Variants in PDIA4 observed in about 807,000 individuals in gnomAD.
PDIA4 encodes the protein protein disulfide isomerase family A member 4.
A neutral mutation model predicts 62.1 loss-of-function variants in PDIA4; 33 were observed. The ratio of observed to expected loss-of-function variants is 0.53; its 90% CI spans 0.40 to 0.71. PDIA4 has a LOEUF of 0.71. Ranked by LOEUF, PDIA4 falls within the 30% of genes least tolerant of loss-of-function variation. The pLI is 0.00. For missense variants in PDIA4, 804 were observed against 813.6 expected (o/e 0.99, Z 0.14); for synonymous variants, 341 against 324.1 (o/e 1.05, Z -0.56).
At chr7:149,012,091 T>A in intron 5 of PDIA4, 64 bp downstream of exon 5, 2 of 1,608,944 alleles carry the variant, frequency 1.2e-6, no homozygotes, top group South Asian at 2.2e-5. Flanking sequence ...GCACCTTCAA[T>A]GGCAGCTTCC....
intron 2 of PDIA4, among the ~76,000 whole-genome samples, chr7:149,020,754 A>G (rs1211199135): frequency 6.6e-6 from 1 of 152,174 alleles, no homozygotes; most frequent in African/African-American, 2.4e-5. Flanking sequence ...GGACTGAGAC[A>G]AGAAGACATC....
At chr7:149,005,423 C>A (rs1243094466) in intron 8 of PDIA4, 49 bp from the exon 9 acceptor site, 1 of 1,196,996 alleles carries the variant, frequency 8.4e-7, no homozygotes, top group Non-Finnish European at 1.2e-6. Flanking sequence ...AGAGCAAGTC[C>A]CAGCTCAGAC....
At chr7:149,025,085 A>AAAAATATATATATATATAT (rs1554446854) in intron 1 of PDIA4, among the ~76,000 whole-genome samples, 2 of 22,348 alleles carry the variant, frequency 8.9e-5, no homozygotes, top group African/African-American at 1.2e-4. Flanking sequence ...AAAAAAAAAA[A>AAAAATATATATATATATAT]ATATATATAT....
intron 1 of PDIA4, among the ~76,000 whole-genome samples, chr7:149,022,803 G>A (rs1428876608): frequency 6.6e-6 from 1 of 152,144 alleles, no homozygotes; most frequent in African/African-American, 2.4e-5. Flanking sequence ...TCTGTGCCGG[G>A]CAGGGAGAAG....
intron 6 of PDIA4, 33 bp downstream of exon 6, chr7:149,011,813 A>G: frequency 6.6e-7 from 1 of 1,504,840 alleles, no homozygotes; most frequent in Non-Finnish European, 8.9e-7. Context: ...CAAGGCACGC[A>G]CATTTTGTTC....
At position 149,003,751 on chromosome 7, in the gene PDIA4, G is replaced by T; in HGVS notation, c.*43C>A. ...CGTGGACGCCCCGACCATGGGCCAC[G>T]CAGGGCGTCTGCCTCCTCCCACCTT... On this transcript the variant is annotated 3_prime_UTR_variant, in exon 10 of 10. Coordinates refer to ENST00000652332, the MANE Select transcript of PDIA4 (RefSeq NM_004911.5). 1 of 1,419,368 alleles carries T rather than the reference G, an allele frequency of 7.0e-7. No individual in the cohort carries two copies. The highest frequency in any genetic ancestry group is 9.3e-7 in the Non-Finnish European group (1 of 1,077,118). The allele number at this position is 1,419,368 out of a possible 1,614,324, so 87.9% of individuals were successfully genotyped here.
intron 1 of PDIA4, among the ~76,000 whole-genome samples, chr7:149,022,596 C>T (rs890720987): frequency 6.6e-5 from 10 of 152,084 alleles, no homozygotes; most frequent in Non-Finnish European, 1.0e-4. Context: ...GGTAAATGAA[C>T]GCTGCTAGTT....
At chr7:149,022,872 C>T (rs777887609) in intron 1 of PDIA4, among the ~76,000 whole-genome samples, 4 of 152,180 alleles carry the variant, frequency 2.6e-5, no homozygotes, top group Non-Finnish European at 5.9e-5. Context: ...ACAAAAAAGC[C>T]AACAAGAAAG....
At chr7:149,006,421 C>T (rs1395419911) in intron 7 of PDIA4, 1 of 196,222 alleles carries the variant, frequency 5.1e-6, no homozygotes, top group Non-Finnish European at 1.0e-5. Flanking sequence ...CTTGTGCGGT[C>T]TTCACGCAGG....
chr7:149,014,941 C>T lies in PDIA4; in HGVS notation c.577G>A (p.Asp193Asn). ...AACTCCACCAGAATGATATCTGCAT[C>T]ATTCACAACTTCATCAAAGTTCTCT... ...TKENFDEVVN[D>N]ADIILVEFYA... Residue 193 changes from aspartate (D) to asparagine (N), a missense_variant, in exon 4 of 10, where the codon GAT becomes AAT. Physicochemically the swap from Asp to Asn is conservative, Grantham distance 23. Transcript: ENST00000652332. 6.2e-7 allele frequency: 1 copy of T among 1,614,182 alleles called. No homozygotes were observed. The highest frequency in any genetic ancestry group is 8.5e-7 in the Non-Finnish European group (1 of 1,179,988).
At chr7:149,020,162 T>C (rs1462968857) in intron 2 of PDIA4, among the ~76,000 whole-genome samples, 2 of 152,180 alleles carry the variant, frequency 1.3e-5, no homozygotes, top group African/African-American at 4.8e-5. Context: ...GGGTTCACCA[T>C]GTTGGCCAGG....
chr7:149,015,592 C>T (rs1199113098), intron 3 of PDIA4, among the ~76,000 whole-genome samples: 1 of 151,968 alleles, frequency 6.6e-6, no homozygotes, highest in Non-Finnish European at 1.5e-5. Context: ...AAAAAATGCC[C>T]ATCTGTGGCC....
intron 1 of PDIA4, among the ~76,000 whole-genome samples, chr7:149,025,573 T>C (rs1446123647): frequency 6.6e-6 from 1 of 152,218 alleles, no homozygotes; most frequent in Non-Finnish European, 1.5e-5. Context: ...CACGTTATAT[T>C]GTATCTTACA....
Position 149,005,128 on chromosome 7 carries a change from G to T in PDIA4, c.1522+13C>A. On this transcript the variant is annotated intron_variant, in intron 9 of 9. Coordinates refer to ENST00000652332, the MANE Select transcript of PDIA4 (RefSeq NM_004911.5). The stretch of plus-strand genomic sequence containing the variant: ...CAGCTGATGGGAGACCCCAGCCCCA[G>T]CCACGGGCTCACCTTTTTTGAAAGC... The T allele has an allele frequency of 6.3e-7, 1 of 1,599,082 alleles. No individual in the cohort carries two copies. The highest frequency in any genetic ancestry group is 8.6e-7 in the Non-Finnish European group (1 of 1,166,388).
intron 3 of PDIA4, among the ~76,000 whole-genome samples, chr7:149,015,940 C>A (rs1038372191): frequency 6.6e-6 from 1 of 152,358 alleles, no homozygotes. Context: ...AAGTCTCTTG[C>A]AGTCAAATGT....
In PDIA4 at chr7:149,005,217, A is replaced by C; in HGVS notation, c.1446T>G (p.Ser482Arg). The C allele has an allele frequency of 1.9e-6, 3 of 1,613,418 alleles. No homozygotes were observed. The highest frequency in any genetic ancestry group is 1.1e-5 in the South Asian group (1 of 91,030). Residue 482 changes from serine (S) to arginine (R), a missense_variant, in exon 9 of 10, where the codon AGT becomes AGG. Physicochemically the swap from Ser to Arg is moderately radical, Grantham distance 110. Transcript: ENST00000652332. ...CTGGCTCCATGGCGAACTTCTTCCC[A>C]CTCTCGTCCAGGATGGCGGCATTGA... The part of the protein sequence containing the change: ...EDVNAAILDE[S>R]GKKFAMEPEE...
Position 149,022,978 on chromosome 7 carries a change from C to T in PDIA4, c.89-1831G>A, listed in dbSNP as rs146962010. 2.1e-3 allele frequency among the ~76,000 whole-genome samples: 315 copies of T among 152,336 alleles called. 2 individuals carry two copies. Among genetic ancestry groups the T allele is most frequent in the African/African-American group, 7.3e-3 (303 of 41,574 alleles). On this transcript the variant is annotated intron_variant, in intron 1 of 9. Coordinates refer to ENST00000652332, the MANE Select transcript of PDIA4 (RefSeq NM_004911.5). ...TGCACATTCCTGTTTCAACTTAAGGCTTAGGATCCTCTTTTGTCGGAGGAG... is the reference window on the plus strand; with the variant it reads ...TGCACATTCCTGTTTCAACTTAAGGTTTAGGATCCTCTTTTGTCGGAGGAG...
chr7:149,027,978 G>A lies in PDIA4; in HGVS notation c.88+343C>T, dbSNP rs1177084935. On this transcript the variant is annotated intron_variant, in intron 1 of 9. Transcript: ENST00000652332. ...GGGCGCGTTCGCCTGGAGTTAGCCTGGACCTGACGAAAATCTGTAAATTAA... is the reference window on the plus strand; with the variant it reads ...GGGCGCGTTCGCCTGGAGTTAGCCTAGACCTGACGAAAATCTGTAAATTAA... 7.6e-6 allele frequency: 4 copies of A among 526,748 alleles called. No individual in the cohort carries two copies. The Admixed American group carries it at 9.1e-5, about 12-fold the overall frequency. 32.6% of individuals were successfully genotyped at this position (526,748 alleles called of 1,614,324 possible).
rs111600502 is a variant in PDIA4, at chr7:149,028,242, G to T, written c.88+79C>A. On this transcript the variant is annotated intron_variant, in intron 1 of 9. Transcript: ENST00000652332. ...TGACCGCGCGGAAGCCCGCCCGCCG[G>T]GGTCGCAGGGCCCAGGCCCCCGCAC... 2.8e-4 allele frequency: 300 copies of T among 1,067,306 alleles called. No individual in the cohort carries two copies. In the African/African-American group the frequency reaches 4.4e-3, roughly 16 times the overall value. The allele number at this position is 1,067,306 out of a possible 1,614,324, so 66.1% of individuals were successfully genotyped here.
Sources: allele counts gnomAD v4.1 joint callset (sites outside exome capture counted in the v4.1 genomes callset), GRCh38; gene constraint gnomAD v4.1.1; transcripts MANE v1.5; gene names NCBI Gene and HGNC (gene_info 2026-07-23, HGNC 2026-07-21).